Variants in LRP1-AS observed in about 807,000 individuals in gnomAD.
LRP1-AS encodes LRP1 antisense RNA.
chr12:57,144,900 T>A, exon 2 of LRP1-AS: 1 of 1,456,752 alleles, frequency 6.9e-7, no homozygotes, highest in Non-Finnish European at 9.6e-7. Flanking sequence ...ATGTTGATCA[T>A]GTCTGATGAT....
intron 1 of LRP1-AS, chr12:57,145,353 T>C: frequency 6.2e-7 from 1 of 1,614,156 alleles, no homozygotes; most frequent in Non-Finnish European, 8.5e-7. Context: ...GCCATGGACT[T>C]CAGCTATGCC....
chr12:57,145,484 C>T (rs150607833), intron 1 of LRP1-AS: 1 of 1,612,924 alleles, frequency 6.2e-7, no homozygotes, highest in African/African-American at 1.3e-5. Flanking sequence ...CTCCCTCAGT[C>T]TGCACCGTGA....
Position 57,144,982 on chromosome 12 carries a change from G to A in LRP1-AS, n.283C>T, listed in dbSNP as rs769277080. The A allele has an allele frequency of 2.4e-5, 39 of 1,613,912 alleles. No individual in the cohort carries two copies. In the East Asian group the frequency reaches 8.7e-4, roughly 36 times the overall value. ...CCCTTTCCTCGGCAGATTTTGATGA[G>A]TGCTCAGTGTACGGCACCTGCAGCC... On this transcript the variant is annotated non_coding_transcript_exon_variant, in exon 2 of 2. Transcript: ENST00000555461.
intron 1 of LRP1-AS, among the ~76,000 whole-genome samples, chr12:57,146,015 G>A (rs1012863620): frequency 6.6e-6 from 1 of 152,200 alleles, no homozygotes; most frequent in Non-Finnish European, 1.5e-5. Context: ...CTTTGTGGCA[G>A]TGAATGAGGC....
In LRP1-AS at chr12:57,145,561, A is replaced by G. The variant is rs899464439; in HGVS notation, n.182-478T>C. On this transcript the variant is annotated intron_variant and non_coding_transcript_variant, in intron 1 of 1. Transcript: ENST00000555461. ...GACAGGGAAGGTGGACCCTATCTTG[A>G]ACAGAGGCCGGGAGTTACACAGGAT... 1.9e-6 allele frequency: 3 copies of G among 1,558,734 alleles called. No individual in the cohort carries two copies. In the African/African-American group the frequency reaches 4.0e-5, roughly 21 times the overall value.
At chr12:57,144,722 C>T (rs1407715055) in exon 2 of LRP1-AS, 4 of 528,478 alleles carry the variant, frequency 7.6e-6, no homozygotes, top group Admixed American at 3.2e-5. Flanking sequence ...TGGCACCTGA[C>T]CCATAGTAGG....
chr12:57,145,241 C>T, intron 1 of LRP1-AS: 2 of 1,614,146 alleles, frequency 1.2e-6, no homozygotes, highest in Non-Finnish European at 1.7e-6. Flanking sequence ...AGTAGACCGG[C>T]CCCCTGTGCT....
chr12:57,144,792 G>A (rs2035365732), exon 2 of LRP1-AS: 2 of 636,264 alleles, frequency 3.1e-6, no homozygotes, highest in Admixed American at 2.5e-5. Flanking sequence ...TCTCTAGAGT[G>A]GATTCCAAGA....
At chr12:57,147,360 G>A (rs1001279180) in intron 1 of LRP1-AS, 2 of 152,208 alleles carry the variant, frequency 1.3e-5, no homozygotes, top group Non-Finnish European at 2.9e-5. Flanking sequence ...CCCTCCCCCA[G>A]TTTCTGGGTC....
intron 1 of LRP1-AS, chr12:57,145,300 C>T (rs2035380667): frequency 6.2e-7 from 1 of 1,614,102 alleles, no homozygotes; most frequent in Non-Finnish European, 8.5e-7. Context: ...TGAGTGGGGC[C>T]CAGGTGTCTA....
chr12:57,145,288 C>T, intron 1 of LRP1-AS: 1 of 1,614,160 alleles, frequency 6.2e-7, no homozygotes, highest in Non-Finnish European at 8.5e-7. Context: ...TGGCCACGTA[C>T]CTGAGTGGGG....
intron 1 of LRP1-AS, chr12:57,146,780 T>G (rs964190052): frequency 1.3e-5 from 2 of 152,538 alleles, no homozygotes; most frequent in Non-Finnish European, 2.9e-5. Context: ...TCAAGCCTGG[T>G]TGGCTGAGCT....
intron 1 of LRP1-AS, chr12:57,145,377 G>C (rs1342886306): frequency 1.2e-6 from 2 of 1,614,186 alleles, no homozygotes; most frequent in Admixed American, 1.7e-5. Context: ...GAGACCGTAT[G>C]CTGGGTGCAT....
At chr12:57,145,157 T>G in intron 1 of LRP1-AS, 2 of 1,613,350 alleles carry the variant, frequency 1.2e-6, no homozygotes, top group Non-Finnish European at 1.7e-6. Context: ...TGCTGTTCCC[T>G]GGTGGGTGGT....
At chr12:57,145,020 A>G (rs763952863) in exon 2 of LRP1-AS, 2 of 1,614,146 alleles carry the variant, frequency 1.2e-6, no homozygotes, top group African/African-American at 1.3e-5. Context: ...CTATGCACCA[A>G]CACAGACGGC....
At chr12:57,145,106 T>C in intron 1 of LRP1-AS, 1 of 1,613,686 alleles carries the variant, frequency 6.2e-7, no homozygotes, top group Non-Finnish European at 8.5e-7. Context: ...GAACGGTGGG[T>C]GGGGTTGCCT....
intron 1 of LRP1-AS, among the ~76,000 whole-genome samples, chr12:57,147,187 G>A (rs1298857502): frequency 1.3e-5 from 2 of 151,048 alleles, no homozygotes; most frequent in African/African-American, 2.4e-5. Context: ...TAAATGAGTG[G>A]GTTTCTCTCA....
At chr12:57,146,013 C>T (rs1486170294) in intron 1 of LRP1-AS, among the ~76,000 whole-genome samples, 1 of 152,132 alleles carries the variant, frequency 6.6e-6, no homozygotes, top group Admixed American at 6.5e-5. Context: ...GGCTTTGTGG[C>T]AGTGAATGAG....
intron 1 of LRP1-AS, chr12:57,145,591 C>A (rs1452737655): frequency 6.9e-7 from 1 of 1,443,032 alleles, no homozygotes; most frequent in East Asian, 2.3e-5. Context: ...CAGGATGGTC[C>A]TGTCTGGGGC....
Sources: allele counts gnomAD v4.1 joint callset (sites outside exome capture counted in the v4.1 genomes callset), GRCh38; gene constraint gnomAD v4.1.1; transcripts MANE v1.5; gene names NCBI Gene and HGNC (gene_info 2026-07-23, HGNC 2026-07-21).